The following QTMAN variants were observed in gnomAD, a reference collection of about 807,000 sequenced individuals.
QTMAN encodes the protein queuosine-tRNA mannosyltransferase.
chr2:143,982,198 G>A, the QTMAN span, among the ~76,000 whole-genome samples: 2 of 151,866 alleles, frequency 1.3e-5, no homozygotes, highest in Non-Finnish European at 2.9e-5. Flanking sequence ...TACTGCTAGT[G>A]AGTATCGAAC....
the QTMAN span, among the ~76,000 whole-genome samples, chr2:144,277,286 C>T: frequency 6.6e-5 from 10 of 151,902 alleles, no homozygotes; most frequent in African/African-American, 2.4e-4. Flanking sequence ...CAGTACTAGT[C>T]TACAGAACAG....
chr2:144,031,524 C>T, the QTMAN span, among the ~76,000 whole-genome samples: 14 of 151,870 alleles, frequency 9.2e-5, no homozygotes, highest in East Asian at 1.4e-3. Context: ...GAAGGAAGAG[C>T]GGGAGAAAAA....
chr2:144,320,930 A>G, the QTMAN span, among the ~76,000 whole-genome samples: 1 of 152,214 alleles, frequency 6.6e-6, no homozygotes, highest in South Asian at 2.1e-4. Context: ...ACTTCTGGCC[A>G]AAGACTTGTT....
At chr2:144,332,311 G>C in the QTMAN span, 2 of 149,972 alleles carry the variant, frequency 1.3e-5, no homozygotes, top group Non-Finnish European at 3.0e-5. Flanking sequence ...CGCAGCCGCC[G>C]CTGCTGCCCC....
At chr2:144,139,946 C>T in the QTMAN span, among the ~76,000 whole-genome samples, 1 of 152,108 alleles carries the variant, frequency 6.6e-6, no homozygotes, top group African/African-American at 2.4e-5. Context: ...GAGAAAGATA[C>T]AAGCATTCAA....
At chr2:144,145,905 T>C in the QTMAN span, 3 of 365,346 alleles carry the variant, frequency 8.2e-6, no homozygotes, top group East Asian at 1.3e-4. Flanking sequence ...TAAGTTTTGA[T>C]CTCTTAAAAA....
At chr2:144,208,720 A>G in the QTMAN span, 1 of 1,613,910 alleles carries the variant, frequency 6.2e-7, no homozygotes. Flanking sequence ...CTCTTCTTGA[A>G]GAAGATCCAC....
chr2:144,284,114 CAAAT>C, the QTMAN span, among the ~76,000 whole-genome samples: 10 of 151,784 alleles, frequency 6.6e-5, no homozygotes, highest in South Asian at 4.2e-4. Flanking sequence ...TTTACAAAAA[CAAAT>C]AATCATACTG....
At chr2:143,968,918 G>C in the QTMAN span, among the ~76,000 whole-genome samples, 12 of 152,172 alleles carry the variant, frequency 7.9e-5, no homozygotes, top group African/African-American at 2.7e-4. Flanking sequence ...ATCGTTGCGA[G>C]ACACAGCTTC....
chr2:144,236,122 T>C, the QTMAN span, among the ~76,000 whole-genome samples: 1 of 152,098 alleles, frequency 6.6e-6, no homozygotes, highest in Non-Finnish European at 1.5e-5. Flanking sequence ...GTCAATAGTT[T>C]GTCAGATTTG....
At chr2:144,056,335 G>GTC in the QTMAN span, among the ~76,000 whole-genome samples, 1 of 152,158 alleles carries the variant, frequency 6.6e-6, no homozygotes, top group African/African-American at 2.4e-5. Context: ...ACTATGTGTG[G>GTC]TCTGAACAAA....
the QTMAN span, among the ~76,000 whole-genome samples, chr2:144,032,471 G>C: frequency 6.6e-6 from 1 of 152,160 alleles, no homozygotes; most frequent in Non-Finnish European, 1.5e-5. Flanking sequence ...TAAAAGATTT[G>C]CTCAAAAGAA....
the QTMAN span, chr2:143,938,080 G>C: frequency 6.6e-6 from 1 of 152,162 alleles, no homozygotes; most frequent in African/African-American, 2.4e-5. Context: ...TTGTTTTGCA[G>C]TTTTGTAGAT....
the QTMAN span, among the ~76,000 whole-genome samples, chr2:144,118,574 T>C: frequency 6.6e-6 from 1 of 152,214 alleles, no homozygotes; most frequent in African/African-American, 2.4e-5. Context: ...ATGTTGAATT[T>C]GCATTAGCCA....
the QTMAN span, among the ~76,000 whole-genome samples, chr2:144,270,242 T>C: frequency 1.3e-5 from 2 of 152,188 alleles, no homozygotes; most frequent in African/African-American, 4.8e-5. Context: ...TGGAAGACAG[T>C]GTGGCAATTC....
chr2:144,126,064 T>C, the QTMAN span, among the ~76,000 whole-genome samples: 1 of 151,792 alleles, frequency 6.6e-6, no homozygotes, highest in Non-Finnish European at 1.5e-5. Flanking sequence ...AGCCAGAAAA[T>C]TATACAAATT....
chr2:143,952,921 C>G, the QTMAN span: 1 of 846,446 alleles, frequency 1.2e-6, no homozygotes, highest in Non-Finnish European at 2.0e-6. Flanking sequence ...TTTTGTTTGC[C>G]TAAGTTAACT....
chr2:143,982,186 C>T, the QTMAN span, among the ~76,000 whole-genome samples: 4 of 152,024 alleles, frequency 2.6e-5, no homozygotes, highest in Non-Finnish European at 5.9e-5. Context: ...ATTAAATATA[C>T]TTACTGCTAG....
the QTMAN span, chr2:144,145,460 T>C: frequency 1.5e-6 from 1 of 664,330 alleles, no homozygotes. Context: ...GCACCTACCT[T>C]ATGGTGTTTT....
Sources: allele counts gnomAD v4.1 joint callset (sites outside exome capture counted in the v4.1 genomes callset), GRCh38; gene constraint gnomAD v4.1.1; transcripts MANE v1.5; gene names NCBI Gene and HGNC (gene_info 2026-07-23, HGNC 2026-07-21).